The following GNL3L variants were observed in gnomAD, a reference collection of about 807,000 sequenced individuals.
GNL3L encodes G protein nucleolar 3 like, also known as guanine nucleotide-binding protein-like 3-like protein.
GNL3L carries 4 observed loss-of-function variants against 42.9 expected under a neutral mutation model. The ratio of observed to expected loss-of-function variants is 0.09; its 90% CI spans 0.05 to 0.21. The LOEUF (loss-of-function observed/expected upper bound fraction) is 0.21. Among genes scored for constraint, GNL3L ranks in the 10% least tolerant of loss-of-function variants. The probability of loss-of-function intolerance (pLI) is 1.00; values close to 1 mark genes in which losing one functional copy is unlikely to be tolerated. For missense variants in GNL3L, 412 were observed against 481.7 expected (o/e 0.86, Z 1.36); for synonymous variants, 159 against 176.3 (o/e 0.90, Z 0.78).
Position 54,551,991 on chromosome X carries a change from G to A in GNL3L, c.1181+17G>A. The A allele has an allele frequency of 2.5e-6, 3 of 1,205,262 alleles. No homozygotes were observed. Among genetic ancestry groups the A allele is most frequent in the Non-Finnish European group, 3.4e-6 (3 of 891,176 alleles). On this transcript the variant is annotated intron_variant, in intron 12 of 15. Coordinates refer to ENST00000360845, the MANE Select transcript of GNL3L (RefSeq NM_001184819.2). ...CTGGGTGAGGTGAGGAGGGGGTTAG[G>A]GGTAAGGGTGAGGCCCGCTGGCAGC... is the stretch of plus-strand genomic sequence containing the variant.
chrX:54,611,595 C>T (rs1926161850), intron 16 of GNL3L, among the ~76,000 whole-genome samples: 1 of 112,049 alleles, frequency 8.9e-6, no homozygotes, highest in Non-Finnish European at 1.9e-5. Flanking sequence ...TTCTTGATTT[C>T]ATTTTTGACC....
chrX:54,555,447 C>T, intron 14 of GNL3L, among the ~76,000 whole-genome samples: 1 of 109,075 alleles, frequency 9.2e-6, no homozygotes, highest in East Asian at 2.9e-4. Flanking sequence ...CTTACTTGGA[C>T]ATATGTCCCA....
chrX:54,544,511 C>T (rs1363766544), intron 8 of GNL3L, among the ~76,000 whole-genome samples, 185 bp downstream of exon 8: 1 of 107,541 alleles, frequency 9.3e-6, no homozygotes, highest in African/African-American at 3.4e-5. Flanking sequence ...CTCTTATTGC[C>T]CAGGTTGGAA....
chrX:54,553,722 G>A (rs1925009817), intron 13 of GNL3L, among the ~76,000 whole-genome samples: 1 of 110,880 alleles, frequency 9.0e-6, no homozygotes, highest in African/African-American at 3.3e-5. Flanking sequence ...TTTATTTTTA[G>A]TAGAGATGGG....
At chrX:54,536,263 G>C (rs1040767826) in intron 2 of GNL3L, among the ~76,000 whole-genome samples, 1 of 108,960 alleles carries the variant, frequency 9.2e-6, no homozygotes, top group African/African-American at 3.3e-5. Context: ...TTTTAGTAGA[G>C]ATGGGGTTTC....
At chrX:54,641,122 A>G in the GNL3L span, among the ~76,000 whole-genome samples, 1 of 111,015 alleles carries the variant, frequency 9.0e-6, no homozygotes, top group Non-Finnish European at 1.9e-5. Flanking sequence ...ATACATACGG[A>G]TAAACAACAG....
At chrX:54,542,468 G>A (rs1452834499) in intron 5 of GNL3L, among the ~76,000 whole-genome samples, 1 of 111,044 alleles carries the variant, frequency 9.0e-6, no homozygotes, top group African/African-American at 3.3e-5. Context: ...TTGTGTATAT[G>A]TGCCACATTT....
At chrX:54,568,256 T>C (rs1036143273), downstream of GNL3L, among the ~76,000 whole-genome samples, 2 of 112,094 alleles carry the variant, frequency 1.8e-5, no homozygotes, top group African/African-American at 6.5e-5. Flanking sequence ...CATGAGCCAT[T>C]GCACCCAGCC....
At position 54,561,553 on chromosome X, in the gene GNL3L, A is replaced by T. The variant is rs1345884126; in HGVS notation, c.*951A>T. The stretch of plus-strand genomic sequence containing the variant: ...TGTTTGCGTGAAGAGAAAACAAAGC[A>T]CCTGTTAGTAGGGAGGCTTTAGGGG... On this transcript the variant is annotated 3_prime_UTR_variant, in exon 16 of 16. Transcript: ENST00000360845. Among the ~76,000 whole-genome samples the T allele has an allele frequency of 1.8e-5, 2 of 112,015 alleles. No individual in the cohort carries two copies. Among genetic ancestry groups the T allele is most frequent in the African/African-American group, 6.5e-5 (2 of 30,849 alleles).
the GNL3L span, among the ~76,000 whole-genome samples, chrX:54,626,649 G>A: frequency 1.8e-5 from 2 of 111,511 alleles, no homozygotes; most frequent in African/African-American, 6.5e-5. Flanking sequence ...GTGTATAAGT[G>A]TTCCCCTCTC....
At chrX:54,588,197 CTT>C (rs1259536882) in intron 16 of GNL3L, among the ~76,000 whole-genome samples, 1 of 111,656 alleles carries the variant, frequency 9.0e-6, no homozygotes, top group Non-Finnish European at 1.9e-5. Context: ...CTGTATGTCT[CTT>C]ATTTCTTTTT....
intron 16 of GNL3L, among the ~76,000 whole-genome samples, chrX:54,612,959 A>G (rs957461927): frequency 4.5e-5 from 5 of 111,528 alleles, no homozygotes; most frequent in Admixed American, 2.9e-4. Context: ...TGCTTCTTGT[A>G]TTTGGATGTC....
At chrX:54,552,085 C>A (rs1924959744) in intron 12 of GNL3L, 111 bp downstream of exon 12, 1 of 935,319 alleles carries the variant, frequency 1.1e-6, no homozygotes, top group African/African-American at 1.9e-5. Flanking sequence ...GGTCTTGGGG[C>A]AGAGGATGGC....
intron 16 of GNL3L, among the ~76,000 whole-genome samples, chrX:54,579,538 C>T (rs762636271): frequency 7.3e-4 from 81 of 110,891 alleles, no homozygotes; most frequent in South Asian, 5.3e-3. Flanking sequence ...CATGCACAAC[C>T]GTACCTGGCT....
chrX:54,602,650 A>G (rs1926017077), intron 16 of GNL3L, among the ~76,000 whole-genome samples: 1 of 111,495 alleles, frequency 9.0e-6, no homozygotes, highest in Non-Finnish European at 1.9e-5. Flanking sequence ...TGCTGGATGG[A>G]GACTCTAGAG....
the GNL3L span, among the ~76,000 whole-genome samples, chrX:54,642,594 T>C: frequency 9.0e-6 from 1 of 111,364 alleles, no homozygotes; most frequent in Non-Finnish European, 1.9e-5. Flanking sequence ...CTCTTTGTAA[T>C]GCTTTTCCCC....
At chrX:54,635,813 G>T in the GNL3L span, among the ~76,000 whole-genome samples, 1 of 109,998 alleles carries the variant, frequency 9.1e-6, no homozygotes, top group African/African-American at 3.3e-5. Flanking sequence ...TTGTTCTAGG[G>T]CATTTTTTTT....
rs1005689546 is a variant in GNL3L at position 54,565,993 on chromosome X, A to G, written c.*5391A>G. 2.8e-5 allele frequency among the ~76,000 whole-genome samples: 3 copies of G among 108,379 alleles called. No homozygotes were observed. In the East Asian group the frequency reaches 8.7e-4, roughly 31 times the overall value. The allele number at this position is 108,379 out of a possible 115,157, so 94.1% of individuals were successfully genotyped here. On this transcript the variant is annotated 3_prime_UTR_variant, in exon 16 of 16. Coordinates refer to ENST00000360845, the MANE Select transcript of GNL3L (RefSeq NM_001184819.2). The stretch of plus-strand genomic sequence containing the variant: ...AGGCCACCATGCTTGGCTAACTTTT[A>G]TATTTTTACCAGAGACAAGGTTTCA...
chrX:54,623,360 G>A (rs1039293421), downstream of GNL3L, among the ~76,000 whole-genome samples: 6 of 111,815 alleles, frequency 5.4e-5, no homozygotes, highest in Admixed American at 9.4e-5. Flanking sequence ...TTGTTTCCAG[G>A]TTTAAATGAT....
Sources: allele counts gnomAD v4.1 joint callset (sites outside exome capture counted in the v4.1 genomes callset), GRCh38; gene constraint gnomAD v4.1.1; transcripts MANE v1.5; gene names NCBI Gene and HGNC (gene_info 2026-07-23, HGNC 2026-07-21).